SMIM35: variants seen among roughly 807,000 people sequenced by gnomAD.
SMIM35 encodes TMPRSS4 antisense RNA 1 (non-protein coding).
At chr11:118,070,521 C>T (rs546990051) in intron 1 of SMIM35, among the ~76,000 whole-genome samples, 14 of 152,188 alleles carry the variant, frequency 9.2e-5, no homozygotes, top group Non-Finnish European at 1.8e-4. Context: ...ACTGTATGTT[C>T]ATGGTCTGGA....
chr11:118,060,675 AC>A (rs201056360), intron 1 of SMIM35, among the ~76,000 whole-genome samples: 1 of 151,418 alleles, frequency 6.6e-6, no homozygotes, highest in East Asian at 2.0e-4. Flanking sequence ...GCTGTCTGGG[AC>A]CCCCTTCTAC....
At chr11:118,039,702 C>T (rs1363379521) in intron 1 of SMIM35, among the ~76,000 whole-genome samples, 3 of 150,508 alleles carry the variant, frequency 2.0e-5, no homozygotes, top group East Asian at 2.0e-4. Context: ...AGAGCGAGAC[C>T]CTGTCTCAAA....
intron 1 of SMIM35, among the ~76,000 whole-genome samples, chr11:118,067,903 A>ATG (rs1387520603): frequency 2.0e-4 from 23 of 116,754 alleles, no homozygotes; most frequent in Non-Finnish European, 3.6e-4. Context: ...ATATATATAT[A>ATG]TATGAAAAGT....
At chr11:118,034,291 A>C (rs1171579367) in intron 1 of SMIM35, among the ~76,000 whole-genome samples, 1 of 152,208 alleles carries the variant, frequency 6.6e-6, no homozygotes, top group Non-Finnish European at 1.5e-5. Context: ...CACACACAAA[A>C]AAAGAAATAA....
intron 1 of SMIM35, among the ~76,000 whole-genome samples, chr11:118,046,847 C>T (rs1944104986): frequency 6.6e-6 from 1 of 152,202 alleles, no homozygotes; most frequent in South Asian, 2.1e-4. Context: ...GGGAGTTTCC[C>T]AAAGTAATTA....
chr11:118,029,517 A>G, intron 1 of SMIM35: 1 of 384,570 alleles, frequency 2.6e-6, no homozygotes, highest in South Asian at 2.0e-5. Context: ...CAGCTGGGGG[A>G]AGTTCTGCCA....
intron 1 of SMIM35, chr11:118,077,379 G>T: frequency 6.7e-7 from 1 of 1,491,764 alleles, no homozygotes; most frequent in Non-Finnish European, 9.0e-7. Flanking sequence ...CAAGCAGCCT[G>T]AGCATCCATC....
At chr11:118,026,596 A>G (rs1476989987) in intron 1 of SMIM35, among the ~76,000 whole-genome samples, 1 of 152,204 alleles carries the variant, frequency 6.6e-6, no homozygotes. Flanking sequence ...TAATTGGGAC[A>G]TCAGATGGGC....
intron 4 of SMIM35, among the ~76,000 whole-genome samples, chr11:118,007,034 T>C (rs997318727): frequency 2.6e-4 from 39 of 152,216 alleles, no homozygotes; most frequent in African/African-American, 8.0e-4. Context: ...CTTGGCTCAG[T>C]TGTGTAGTAC....
chr11:118,027,808 G>T (rs2058286986), intron 1 of SMIM35, among the ~76,000 whole-genome samples: 2 of 152,200 alleles, frequency 1.3e-5, no homozygotes, highest in Admixed American at 1.3e-4. Context: ...GAGAGAATGA[G>T]GCTCTTCAAA....
intron 1 of SMIM35, among the ~76,000 whole-genome samples, chr11:118,027,024 T>TTC (rs1555071672): frequency 7.1e-6 from 1 of 140,040 alleles, no homozygotes; most frequent in Non-Finnish European, 1.5e-5. Flanking sequence ...CACTTTTTTT[T>TTC]TTTTTTTTTT....
chr11:118,035,929 C>T (rs2058356467), intron 1 of SMIM35, among the ~76,000 whole-genome samples: 1 of 152,074 alleles, frequency 6.6e-6, no homozygotes, highest in Non-Finnish European at 1.5e-5. Context: ...GCTCTATCGC[C>T]CAGGCTGGAG....
intron 1 of SMIM35, among the ~76,000 whole-genome samples, chr11:118,065,752 G>A (rs753397688): frequency 6.6e-6 from 1 of 152,112 alleles, no homozygotes; most frequent in Non-Finnish European, 1.5e-5. Context: ...TGAGCTTCTT[G>A]TTCAGCCCAC....
chr11:118,053,339 CACACACACACACACAA>C (rs1944251993), intron 1 of SMIM35, among the ~76,000 whole-genome samples: 1 of 146,410 alleles, frequency 6.8e-6, no homozygotes, highest in African/African-American at 2.5e-5. Context: ...CACACACACA[CACACACACACACACAA>C]AGCTTACTAG....
chr11:118,057,696 A>T (rs531888920), intron 1 of SMIM35, among the ~76,000 whole-genome samples: 36 of 152,300 alleles, frequency 2.4e-4, no homozygotes, highest in African/African-American at 7.7e-4. Context: ...TGTTGAGGGG[A>T]TTCGCCTCGG....
At chr11:118,039,392 G>T (rs953274963) in intron 1 of SMIM35, among the ~76,000 whole-genome samples, 2 of 152,100 alleles carry the variant, frequency 1.3e-5, no homozygotes, top group Non-Finnish European at 2.9e-5. Context: ...TTCTGTAATG[G>T]CCTCTTTAGG....
intron 1 of SMIM35, among the ~76,000 whole-genome samples, chr11:118,038,192 G>A (rs144661223): frequency 4.6e-5 from 7 of 152,228 alleles, no homozygotes; most frequent in Non-Finnish European, 4.4e-5. Flanking sequence ...CCTGGAGGCC[G>A]AGGGGGCAGG....
At chr11:118,083,759 A>G (rs1231523033) in intron 1 of SMIM35, among the ~76,000 whole-genome samples, 1 of 152,154 alleles carries the variant, frequency 6.6e-6, no homozygotes, top group Non-Finnish European at 1.5e-5. Context: ...TACAGTTAAC[A>G]ATTACTGTAC....
At chr11:118,064,891 C>T (rs1591307564) in intron 1 of SMIM35, among the ~76,000 whole-genome samples, 1 of 152,220 alleles carries the variant, frequency 6.6e-6, no homozygotes, top group Non-Finnish European at 1.5e-5. Context: ...GCGATATACC[C>T]GCCTGGCGGA....
Sources: gnomAD v4.1 joint callset for allele counts (sites outside exome capture counted in the v4.1 genomes callset) on GRCh38, gnomAD v4.1.1 for gene constraint, MANE v1.5 for transcripts, NCBI Gene and HGNC (gene_info 2026-07-23, HGNC 2026-07-21) for gene names.